Variants in TYMP observed in about 807,000 individuals in gnomAD.
TYMP encodes gliostatin.
In TYMP, 46 loss-of-function variants were observed where a neutral mutation model predicts 42.3. The ratio of observed to expected loss-of-function variants is 1.09; its 90% CI spans 0.86 to 1.39. The LOEUF is 1.39. TYMP is among the 40% of genes most tolerant of loss of function. The pLI, the probability that TYMP is intolerant of heterozygous loss-of-function variation, is 0.00. For synonymous variants in TYMP, 363 were observed against 308.0 expected, an observed-to-expected ratio of 1.18 and a Z score of -1.87; for missense variants, 837 against 677.6, an observed-to-expected ratio of 1.24 and a Z score of -2.61.
At chr22:50,527,116 G>T in intron 6 of TYMP, 49 bp downstream of exon 6, 1 of 1,459,638 alleles carries the variant, frequency 6.9e-7, no homozygotes, top group Non-Finnish European at 9.6e-7. Flanking sequence ...TGAAGGGTAG[G>T]CTGGGCCCGC....
In TYMP at chr22:50,526,666, A is replaced by T; in HGVS notation, c.838T>A (p.Cys280Ser). ...TCCACCTCCAGGGCGTGGCCCACGC[A>T]GCGACCCAGGGGCTTGTCCATGGCG... Reference protein sequence around the residue: ...LTAMDKPLGRCVGHALEVEEA... With the variant: ...LTAMDKPLGRSVGHALEVEEA... The change falls in exon 7 of 10, where the codon TGC becomes AGC. Residue 280 changes from cysteine (C) to serine (S), a missense_variant. Coordinates refer to ENST00000252029, the MANE Select transcript of TYMP (RefSeq NM_001953.5). The T allele has an allele frequency of 6.4e-7, 1 of 1,554,970 alleles. No homozygotes were observed. Among genetic ancestry groups the T allele is most frequent in the Non-Finnish European group, 8.7e-7 (1 of 1,152,662 alleles).
rs2069515426 is a variant in TYMP, at chr22:50,529,539, G to A, written c.171C>T (p.Phe57=). The A allele has an allele frequency of 1.9e-6, 3 of 1,613,096 alleles. No homozygotes were observed. The highest frequency in any genetic ancestry group is 2.7e-5 in the African/African-American group (2 of 75,072). The change falls in exon 2 of 10, where the codon TTC becomes TTT. Residue 57 remains phenylalanine, a synonymous_variant. Coordinates refer to ENST00000252029, the MANE Select transcript of TYMP (RefSeq NM_001953.5). ...GRLSEADIRG[F]VAAVVNGSAQ... ...CGCTCCCATTCACCACAGCGGCCAC[G>A]AAGCCCCTGATGTCCGCTTCGCTCA...
At chr22:50,528,978 C>T (rs1385896416) in intron 3 of TYMP, 158 bp downstream of exon 3, 26 of 800,500 alleles carry the variant, frequency 3.2e-5, no homozygotes, top group East Asian at 1.9e-4. Context: ...TGCTGGGGAA[C>T]GGGGTGGGGA....
At position 50,525,767 on chromosome 22, in the gene TYMP, G is replaced by T. The variant is rs372620403; in HGVS notation, c.*3C>A. 25 of 1,610,702 alleles carry T rather than the reference G, an allele frequency of 1.6e-5. No individual in the cohort carries two copies. Among genetic ancestry groups the T allele is most frequent in the Non-Finnish European group, 2.1e-5 (25 of 1,178,954 alleles). ...ACTGACAAGGTTTCGCGGCAAAGGA[G>T]CTTTATTGCTGCGGCGGCAGAACGA... On this transcript the variant is annotated 3_prime_UTR_variant, in exon 10 of 10. Coordinates refer to ENST00000252029, the MANE Select transcript of TYMP (RefSeq NM_001953.5).
intron 3 of TYMP, 115 bp downstream of exon 3, chr22:50,529,021 C>T (rs1375353633): frequency 7.1e-6 from 8 of 1,123,596 alleles, no homozygotes; most frequent in Non-Finnish European, 1.1e-5. Context: ...GGGGAGAAGC[C>T]TTGGTAGGGT....
chr22:50,529,773 G>C, intron 1 of TYMP, 54 bp from the exon 2 acceptor site: 1 of 1,489,058 alleles, frequency 6.7e-7, no homozygotes, highest in Non-Finnish European at 9.1e-7. Flanking sequence ...GTCGGTGTCT[G>C]AGCCACGTGC....
chr22:50,528,453 T>G, intron 4 of TYMP, 59 bp downstream of exon 4: 9 of 1,409,766 alleles, frequency 6.4e-6, no homozygotes, highest in Non-Finnish European at 9.0e-6. Context: ...CTTTTAGTGA[T>G]TCTGGCCAGG....
chr22:50,527,185 G>C lies in TYMP; in HGVS notation c.745C>G (p.Arg249Gly). ...AAVFPNQEQA[R>G]ELAKTLVGVG... is the part of the protein sequence containing the mutation. ...CTCACCAGCGTCTTTGCCAGCTCCC[G>C]GGCCTGCTCCTGGTTGGGGAAGACG... The change falls in exon 6 of 10, where the codon CGG (arginine) becomes GGG (glycine). Residue 249 changes from arginine (R) to glycine (G), a missense_variant. Transcript: ENST00000252029. 1 of 1,613,174 alleles carries C rather than the reference G, an allele frequency of 6.2e-7. No individual in the cohort carries two copies. The highest frequency in any genetic ancestry group is 8.5e-7 in the Non-Finnish European group (1 of 1,179,968).
Position 50,525,843 on chromosome 22 carries a change from A to G in TYMP, c.1376T>C (p.Leu459Pro), listed in dbSNP as rs1464940621. The change falls in exon 10 of 10, where the codon CTC (leucine) becomes CCC (proline). Residue 459 changes from leucine to proline, a missense_variant. By Grantham distance (98) the Leu-to-Pro change is moderately conservative. Transcript: ENST00000252029. ...GPQSRALQEA[L>P]VLSDRAPFAA... ...GAATGGCGCGCGGTCGGAGAGTACG[A>G]GCGCCTCCTGCAGGGCGCGGCTCTG... The G allele has an allele frequency of 6.2e-7, 1 of 1,607,416 alleles. No individual in the cohort carries two copies. The highest frequency in any genetic ancestry group is 1.7e-5 in the Admixed American group (1 of 59,488).
Position 50,526,342 on chromosome 22 carries a change from C to A in TYMP, c.1063G>T (p.Gly355Cys). 6.4e-7 allele frequency: 1 copy of A among 1,558,462 alleles called. No individual in the cohort carries two copies. The highest frequency in any genetic ancestry group is 8.6e-7 in the Non-Finnish European group (1 of 1,163,392). Reference sequence around the variant, plus strand: ...CCCGAGCACAGGGCTCGGGCCAGACCGGGATCCACGCCCTGCGCCGCCAGC... The same window carrying A: ...CCCGAGCACAGGGCTCGGGCCAGACAGGGATCCACGCCCTGCGCCGCCAGC... ...RMLAAQGVDPGLARALCSGSP... is the reference protein window; with the variant it reads ...RMLAAQGVDPCLARALCSGSP... Residue 355 changes from glycine to cysteine, a missense_variant, in exon 8 of 10, where the codon GGT (glycine) becomes TGT (cysteine). By Grantham distance (159) the Gly-to-Cys change is radical (BLOSUM62 -3). Transcript: ENST00000252029.
chr22:50,528,233 G>A (rs2148681355), intron 4 of TYMP: 1 of 499,252 alleles, frequency 2.0e-6, no homozygotes, highest in Non-Finnish European at 3.7e-6. Flanking sequence ...TTGAACTCCT[G>A]GGTTCAAGGG....
rs369492303 is a variant in TYMP, at chr22:50,527,561, C to G, written c.646+27G>C. 267 of 1,613,890 alleles carry G rather than the reference C, an allele frequency of 1.7e-4. 1 individual carries two copies. The African/African-American group carries it at 3.2e-3, about 19-fold the overall frequency. ...TGGAGGTCAGGAGCCTGTGAACATGCAGAAGCAGGCCATGGAGTCAGGTCA... is the reference window on the plus strand; with the variant it reads ...TGGAGGTCAGGAGCCTGTGAACATGGAGAAGCAGGCCATGGAGTCAGGTCA... On this transcript the variant is annotated intron_variant, in intron 5 of 9. Coordinates refer to ENST00000252029, the MANE Select transcript of TYMP (RefSeq NM_001953.5).
chr22:50,528,483 A>C, intron 4 of TYMP, 29 bp downstream of exon 4: 1 of 1,588,328 alleles, frequency 6.3e-7, no homozygotes, highest in African/African-American at 1.3e-5. Flanking sequence ...ATCAACCTGG[A>C]TTAATGACTG....
rs131803 is a variant in TYMP at position 50,527,768 on chromosome 22, CTTT to C, written c.517-54_517-52del. The stretch of plus-strand genomic sequence containing the variant: ...TGACTTATGGTAAATGACTTAGCAG[CTTT>C]TTTTTTTTTTTTTTTTTTTTCTGTG... On this transcript the variant is annotated intron_variant, in intron 4 of 9. Coordinates refer to ENST00000252029, the MANE Select transcript of TYMP (RefSeq NM_001953.5). 65,038 of 1,199,514 alleles carry C rather than the reference CTTT, an allele frequency of 0.054. 18 individuals are homozygous for C. The highest frequency in any genetic ancestry group is 0.058 in the Non-Finnish European group (52,297 of 895,482). 74.3% of individuals were successfully genotyped at this position (1,199,514 alleles called of 1,614,324 possible).
In TYMP at chr22:50,529,530, A is replaced by G. The variant is rs1603442081; in HGVS notation, c.180T>C (p.Ala60=). 1 of 1,613,058 alleles carries G rather than the reference A, an allele frequency of 6.2e-7. No homozygotes were observed. Among genetic ancestry groups the G allele is most frequent in the Non-Finnish European group, 8.5e-7 (1 of 1,179,926 alleles). The part of the protein sequence containing the change: ...SEADIRGFVA[A]VVNGSAQGAQ... Reference sequence around the variant, plus strand: ...CGCCCTGCGCGCTCCCATTCACCACAGCGGCCACGAAGCCCCTGATGTCCG... The same window carrying G: ...CGCCCTGCGCGCTCCCATTCACCACGGCGGCCACGAAGCCCCTGATGTCCG... Residue 60 remains alanine, a synonymous_variant, in exon 2 of 10, where the codon GCT becomes GCC. Coordinates refer to ENST00000252029, the MANE Select transcript of TYMP (RefSeq NM_001953.5).
rs766469259 is a variant in TYMP at position 50,526,216 on chromosome 22, C to G, written c.1159+30G>C. ...CGGGAAGGGAAGGGGATGGCGGAGG[C>G]GGAAGGACGGGGACTCCCCCGACGC... On this transcript the variant is annotated intron_variant, in intron 8 of 9. Transcript: ENST00000252029. 1.8e-5 allele frequency: 27 copies of G among 1,502,198 alleles called. No homozygotes were observed. In the African/African-American group the frequency reaches 3.7e-4, roughly 21 times the overall value. 93.1% of individuals were successfully genotyped at this position (1,502,198 alleles called of 1,614,324 possible). A position where few individuals can be genotyped will look rare whatever the true frequency, so the allele number is the denominator to read the frequency against.
chr22:50,525,965 G>C, intron 9 of TYMP, 36 bp downstream of exon 9: 2 of 1,391,266 alleles, frequency 1.4e-6, no homozygotes, highest in Non-Finnish European at 1.8e-6. Flanking sequence ...GAGCTGGGCG[G>C]GGGTGCGGGG....
intron 4 of TYMP, 106 bp downstream of exon 4, chr22:50,528,406 G>T: frequency 1.0e-6 from 1 of 974,944 alleles, no homozygotes; most frequent in Non-Finnish European, 1.6e-6. Flanking sequence ...ACCTTGACCA[G>T]TGTTCTCATT....
At position 50,527,231 on chromosome 22, in the gene TYMP, G is replaced by C; in HGVS notation, c.699C>G (p.Asp233Glu). The C allele has an allele frequency of 6.2e-7, 1 of 1,613,636 alleles. No homozygotes were observed. The highest frequency in any genetic ancestry group is 1.1e-5 in the South Asian group (1 of 91,090). The change falls in exon 6 of 10, where the codon GAC becomes GAG. Residue 233 changes from aspartate (D) to glutamate (E), a missense_variant. Physicochemically the swap from Asp to Glu is conservative, Grantham distance 45. Coordinates refer to ENST00000252029, the MANE Select transcript of TYMP (RefSeq NM_001953.5). ...AGACGGCGGCCCCTCCGAACTTAACGTCCACCACCAGAGCGGACAGCCCCT... is the reference window on the plus strand; with the variant it reads ...AGACGGCGGCCCCTCCGAACTTAACCTCCACCACCAGAGCGGACAGCCCCT... ...LVEGLSALVV[D>E]VKFGGAAVFP...
Sources: gnomAD v4.1 joint callset for allele counts on GRCh38, gnomAD v4.1.1 for gene constraint, MANE v1.5 for transcripts, NCBI Gene and HGNC (gene_info 2026-07-23, HGNC 2026-07-21) for gene names.